Variants in IL1RAPL1 observed in about 807,000 individuals in gnomAD.
IL1RAPL1 encodes the protein interleukin-1 receptor accessory protein-like 1.
Under a neutral mutation model 48.4 loss-of-function variants are expected in IL1RAPL1, and 3 were observed. The ratio of observed to expected loss-of-function variants is 0.06; its 90% CI spans 0.03 to 0.16. IL1RAPL1 has a LOEUF of 0.16. IL1RAPL1 is among the 10% of genes least tolerant of loss of function. IL1RAPL1 has a pLI of 1.00. For missense variants in IL1RAPL1, 349 were observed against 530.6 expected (o/e 0.66, Z 3.36); for synonymous variants, 185 against 187.7 (o/e 0.99, Z 0.12).
chrX:29,405,609 A>G (rs5927456), intron 5 of IL1RAPL1, among the ~76,000 whole-genome samples: 43,861 of 101,370 alleles, frequency 0.43, 7,215 homozygotes, highest in Middle Eastern at 0.57. Context: ...CTCGTGATCC[A>G]CCCGCCTCGG....
rs367615075 is a variant in IL1RAPL1, at chrX:29,250,967, A to G, written c.83-31971A>G. On this transcript the variant is annotated intron_variant, in intron 2 of 10. Transcript: ENST00000378993. ...CATTATTTTTCCTAACAACCATGCT[A>G]ATTCTAAGCCAGGAAACATTTTTTT... Among the ~76,000 whole-genome samples, 10 of 105,559 alleles carry G rather than the reference A, an allele frequency of 9.5e-5. No individual in the cohort carries two copies. In the South Asian group the frequency reaches 2.1e-3, roughly 22 times the overall value. The allele number at this position is 105,559 out of a possible 115,157, so 91.7% of individuals were successfully genotyped here.
chrX:29,548,137 T>G (rs948614089), intron 5 of IL1RAPL1, among the ~76,000 whole-genome samples: 1 of 112,786 alleles, frequency 8.9e-6, no homozygotes, highest in Admixed American at 9.4e-5. Context: ...AAATGAGATC[T>G]GAAACGAAAC....
intron 5 of IL1RAPL1, among the ~76,000 whole-genome samples, chrX:29,419,109 A>C (rs2147703838): frequency 8.9e-6 from 1 of 112,062 alleles, no homozygotes; most frequent in East Asian, 2.8e-4. Flanking sequence ...GAAGATTGGA[A>C]ATAATACAGT....
At chrX:29,543,861 A>G (rs1219699155) in intron 5 of IL1RAPL1, among the ~76,000 whole-genome samples, 1 of 111,019 alleles carries the variant, frequency 9.0e-6, no homozygotes, top group Non-Finnish European at 1.9e-5. Context: ...AATTCATGCC[A>G]GAGTGTGGGG....
At chrX:29,565,650 GA>G (rs757336713) in intron 5 of IL1RAPL1, among the ~76,000 whole-genome samples, 2 of 111,864 alleles carry the variant, frequency 1.8e-5, no homozygotes, top group Admixed American at 9.5e-5. Context: ...AAAGGTTGAT[GA>G]AAAATGGCTA....
intron 1 of IL1RAPL1, among the ~76,000 whole-genome samples, chrX:28,758,148 A>G (rs1415949521): frequency 8.9e-6 from 1 of 112,343 alleles, no homozygotes; most frequent in Admixed American, 9.5e-5. Context: ...GCAGGAGACC[A>G]TAAGACCCTG....
rs139665740 is a variant in IL1RAPL1, at chrX:28,767,505, G to A, written c.-24-21815G>A. ...GGTGACCTACCAGAGGAGAAGTAGG[G>A]TATAGAATGACAACTTTTTAATTAG... On this transcript the variant is annotated intron_variant, in intron 1 of 10. Transcript: ENST00000378993. 1.6e-3 allele frequency among the ~76,000 whole-genome samples: 174 copies of A among 111,108 alleles called. 1 individual carries two copies. Among genetic ancestry groups the A allele is most frequent in the African/African-American group, 5.4e-3 (166 of 30,662 alleles).
intron 2 of IL1RAPL1, among the ~76,000 whole-genome samples, chrX:28,813,286 T>A (rs1225170961): frequency 9.0e-6 from 1 of 111,672 alleles, no homozygotes; most frequent in Non-Finnish European, 1.9e-5. Flanking sequence ...AATGTCTTTT[T>A]TGAGTGTGGA....
chrX:29,336,447 A>G (rs1291298878), intron 3 of IL1RAPL1, among the ~76,000 whole-genome samples: 2 of 107,293 alleles, frequency 1.9e-5, no homozygotes, highest in African/African-American at 3.4e-5. Context: ...GGATATTCAC[A>G]AGAATATGAA....
chrX:29,000,354 C>T (rs888438320), intron 2 of IL1RAPL1, among the ~76,000 whole-genome samples: 3 of 111,465 alleles, frequency 2.7e-5, no homozygotes, highest in African/African-American at 9.8e-5. Context: ...TTCTTTTTCT[C>T]TCTCATTTCC....
intron 5 of IL1RAPL1, among the ~76,000 whole-genome samples, chrX:29,459,883 T>A (rs1184500017): frequency 9.0e-6 from 1 of 111,599 alleles, no homozygotes; most frequent in Non-Finnish European, 1.9e-5. Flanking sequence ...CTAAGTAAAA[T>A]TTTGTATCTT....
intron 6 of IL1RAPL1, among the ~76,000 whole-genome samples, chrX:29,701,803 G>A (rs1927055826): frequency 9.0e-6 from 1 of 111,270 alleles, no homozygotes; most frequent in African/African-American, 3.3e-5. Flanking sequence ...GTTAAAGCAT[G>A]TATGAACAAG....
intron 2 of IL1RAPL1, among the ~76,000 whole-genome samples, chrX:28,980,954 G>A (rs746793221): frequency 3.8e-5 from 4 of 105,986 alleles, no homozygotes; most frequent in Admixed American, 2.1e-4. Context: ...AGTTGGGCAT[G>A]GTGGTGCATG....
At chrX:29,616,146 A>C (rs1447863266) in intron 5 of IL1RAPL1, among the ~76,000 whole-genome samples, 1 of 111,714 alleles carries the variant, frequency 9.0e-6, no homozygotes, top group Non-Finnish European at 1.9e-5. Context: ...TCATCTTGTG[A>C]TGCCAAGAGA....
At chrX:29,940,528 C>G (rs1389792330) in intron 8 of IL1RAPL1, among the ~76,000 whole-genome samples, 2 of 112,117 alleles carry the variant, frequency 1.8e-5, no homozygotes, top group Non-Finnish European at 3.8e-5. Flanking sequence ...GAAACTAGTA[C>G]TTTTCAAGGT....
chrX:29,693,588 TAGAGG>T (rs1926831587), intron 6 of IL1RAPL1, among the ~76,000 whole-genome samples: 2 of 112,268 alleles, frequency 1.8e-5, no homozygotes, highest in African/African-American at 6.5e-5. Context: ...CAAGTCTTCA[TAGAGG>T]ATTTATGAGC....
intron 5 of IL1RAPL1, among the ~76,000 whole-genome samples, chrX:29,416,320 A>G (rs1047563332): frequency 4.5e-5 from 5 of 111,616 alleles, no homozygotes; most frequent in South Asian, 3.8e-4. Flanking sequence ...AGGCCGAGGC[A>G]GGCAGATCAC....
At chrX:29,636,288 A>C (rs1322082047) in intron 5 of IL1RAPL1, among the ~76,000 whole-genome samples, 1 of 112,171 alleles carries the variant, frequency 8.9e-6, no homozygotes, top group Non-Finnish European at 1.9e-5. Flanking sequence ...TTATGAGAGG[A>C]TGTTCAACTT....
At chrX:29,489,224 G>A (rs2147752340) in intron 5 of IL1RAPL1, among the ~76,000 whole-genome samples, 1 of 111,194 alleles carries the variant, frequency 9.0e-6, no homozygotes, top group South Asian at 3.9e-4. Flanking sequence ...CAGCCACAGG[G>A]GGTTTATTTT....
Sources: gnomAD v4.1 joint callset for allele counts (sites outside exome capture counted in the v4.1 genomes callset) on GRCh38, gnomAD v4.1.1 for gene constraint, MANE v1.5 for transcripts, NCBI Gene and HGNC (gene_info 2026-07-23, HGNC 2026-07-21) for gene names.